CDK14: variants seen among roughly 807,000 people sequenced by gnomAD.
CDK14 encodes the protein cyclin dependent kinase 14.
In CDK14, 34 loss-of-function variants were observed where a neutral mutation model predicts 60.7. The ratio of observed to expected loss-of-function variants is 0.56; its 90% CI spans 0.43 to 0.75. The LOEUF (loss-of-function observed/expected upper bound fraction) is 0.75, where lower values mean the gene tolerates loss of function less well. CDK14 is among the 30% of genes least tolerant of loss of function. CDK14 has a pLI of 0.00. For synonymous variants in CDK14, 197 were observed against 203.7 expected (o/e 0.97, Z 0.28); for missense variants, 482 against 564.1 (o/e 0.85, Z 1.47).
intron 6 of CDK14, among the ~76,000 whole-genome samples, chr7:90,868,314 C>CACAT (rs1378968687): frequency 6.6e-6 from 1 of 150,992 alleles, no homozygotes; most frequent in Non-Finnish European, 1.5e-5. Context: ...CACACACACA[C>CACAT]ACATACACAT....
chr7:90,783,118 T>A (rs1805415566), intron 4 of CDK14, among the ~76,000 whole-genome samples: 1 of 152,178 alleles, frequency 6.6e-6, no homozygotes, highest in Admixed American at 6.5e-5. Flanking sequence ...TCTAATATTA[T>A]GTTTCTAAAT....
At chr7:90,899,550 G>T (rs1481822234) in intron 7 of CDK14, among the ~76,000 whole-genome samples, 197 bp downstream of exon 7, 1 of 152,010 alleles carries the variant, frequency 6.6e-6, no homozygotes, top group African/African-American at 2.4e-5. Flanking sequence ...TTTTACTGGG[G>T]TATTAATATT....
chr7:91,047,494 T>C (rs1418372477), intron 11 of CDK14, among the ~76,000 whole-genome samples: 2 of 152,232 alleles, frequency 1.3e-5, no homozygotes, highest in Non-Finnish European at 2.9e-5. Flanking sequence ...GACTGTTCAT[T>C]GTACATATGT....
chr7:91,096,871 C>G (rs978606369), intron 12 of CDK14, among the ~76,000 whole-genome samples: 1 of 152,078 alleles, frequency 6.6e-6, no homozygotes, highest in Admixed American at 6.6e-5. Context: ...GGAGGAGATT[C>G]GTAAAACTAG....
At chr7:90,848,359 G>C (rs772585852) in intron 5 of CDK14, among the ~76,000 whole-genome samples, 22 of 152,172 alleles carry the variant, frequency 1.4e-4, no homozygotes, top group Non-Finnish European at 1.9e-4. Context: ...TGGGATTACA[G>C]GTGTGAGCTA....
intron 2 of CDK14, among the ~76,000 whole-genome samples, chr7:90,685,156 G>C (rs1332527990): frequency 6.6e-6 from 1 of 151,974 alleles, no homozygotes; most frequent in African/African-American, 2.4e-5. Flanking sequence ...TAAGGATTGA[G>C]TAGGAAATTC....
intron 11 of CDK14, among the ~76,000 whole-genome samples, chr7:91,066,273 T>C (rs1471439931): frequency 6.6e-6 from 1 of 152,224 alleles, no homozygotes; most frequent in African/African-American, 2.4e-5. Flanking sequence ...TTATACTATA[T>C]GATGTCAAAG....
At position 91,118,078 on chromosome 7, in the gene CDK14, T is replaced by G; in HGVS notation, c.1308T>G (p.Phe436Leu). 2 of 1,607,068 alleles carry G rather than the reference T, an allele frequency of 1.2e-6. No homozygotes were observed. The highest frequency in any genetic ancestry group is 2.2e-5 in the South Asian group (2 of 90,822). ...LWELTDMSSI[F>L]TVPNVRLQPE... ...TTCTGTCCACAGTGTCTTCTATTTT[T>G]ACTGTCCCAAATGTGAGATTGCAAC... Residue 436 changes from phenylalanine (F) to leucine (L), a missense_variant, in exon 14 of 15, where the codon TTT (phenylalanine) becomes TTG (leucine). Coordinates refer to ENST00000380050, the MANE Select transcript of CDK14 (RefSeq NM_001287135.2).
intron 2 of CDK14, among the ~76,000 whole-genome samples, chr7:90,611,712 C>T (rs1376627110): frequency 6.6e-6 from 1 of 152,200 alleles, no homozygotes; most frequent in African/African-American, 2.4e-5. Context: ...TTGCCGATCC[C>T]CTGCTTACTG....
chr7:91,069,730 C>T (rs1009154241), intron 11 of CDK14, among the ~76,000 whole-genome samples: 4 of 152,126 alleles, frequency 2.6e-5, no homozygotes, highest in Admixed American at 1.3e-4. Flanking sequence ...TTACATCATC[C>T]TTTTCAGGTT....
chr7:90,646,538 T>G (rs1800471976), intron 2 of CDK14, among the ~76,000 whole-genome samples: 1 of 152,108 alleles, frequency 6.6e-6, no homozygotes, highest in African/African-American at 2.4e-5. Flanking sequence ...GAGCATAAAA[T>G]AAAAAGTTTT....
chr7:90,927,812 C>T (rs1248441097), intron 8 of CDK14, among the ~76,000 whole-genome samples: 2 of 152,130 alleles, frequency 1.3e-5, no homozygotes, highest in African/African-American at 4.8e-5. Context: ...GATTGTTTTC[C>T]AACTTGGTTC....
chr7:90,624,087 A>G (rs1799828059), intron 2 of CDK14, among the ~76,000 whole-genome samples: 1 of 152,206 alleles, frequency 6.6e-6, no homozygotes, highest in Admixed American at 6.5e-5. Flanking sequence ...AGGAGTGGAC[A>G]TGTAGTTTCA....
chr7:90,902,682 G>A (rs1388062253), intron 7 of CDK14, among the ~76,000 whole-genome samples: 1 of 152,038 alleles, frequency 6.6e-6, no homozygotes, highest in Non-Finnish European at 1.5e-5. Flanking sequence ...ACACTTCAGG[G>A]CTTCGGTCTA....
At chr7:91,156,405 A>G (rs923429529) in intron 14 of CDK14, among the ~76,000 whole-genome samples, 2 of 152,006 alleles carry the variant, frequency 1.3e-5, no homozygotes, top group Non-Finnish European at 2.9e-5. Flanking sequence ...GCCCCGATGG[A>G]TTCTTTAGAA....
At chr7:90,709,770 C>CT (rs59896030) in intron 2 of CDK14, 21,178 of 1,070,462 alleles carry the variant, frequency 0.02, no homozygotes, top group East Asian at 0.032. Flanking sequence ...GATTTCTGGG[C>CT]TTTTTTTTTT....
chr7:91,125,910 A>G (rs567552865), intron 14 of CDK14, among the ~76,000 whole-genome samples: 4 of 152,278 alleles, frequency 2.6e-5, no homozygotes, highest in African/African-American at 9.6e-5. Context: ...AATGCCCTCA[A>G]TTACATATAA....
At chr7:91,119,786 A>G (rs980900247) in intron 14 of CDK14, among the ~76,000 whole-genome samples, 2 of 152,184 alleles carry the variant, frequency 1.3e-5, no homozygotes, top group African/African-American at 2.4e-5. Flanking sequence ...CAGATAAAGT[A>G]TGATGTATAA....
intron 2 of CDK14, among the ~76,000 whole-genome samples, chr7:90,713,411 C>T (rs73220691): frequency 0.16 from 24,038 of 151,952 alleles, 1,990 homozygotes; most frequent in South Asian, 0.18. Flanking sequence ...AATAAGCCTG[C>T]TCCTTCTTAA....
Sources: allele counts gnomAD v4.1 joint callset (sites outside exome capture counted in the v4.1 genomes callset), GRCh38; gene constraint gnomAD v4.1.1; transcripts MANE v1.5; gene names NCBI Gene and HGNC (gene_info 2026-07-23, HGNC 2026-07-21).